The following TYW1B variants were observed in gnomAD, a reference collection of about 807,000 sequenced individuals.
TYW1B encodes the protein tRNA-yW synthesizing protein 1 homolog B.
Under a neutral mutation model 86.9 loss-of-function variants are expected in TYW1B, and 73 were observed. That is an observed-to-expected ratio of 0.84 (90% CI 0.70 to 1.02). The LOEUF is 1.02. Among genes scored for constraint, TYW1B ranks in the 50% least tolerant of loss-of-function variants. TYW1B has a pLI of 0.00. For synonymous variants in TYW1B, 248 were observed against 292.8 expected (o/e 0.85, Z 1.56); for missense variants, 637 against 827.4 (o/e 0.77, Z 2.82).
At chr7:72,823,180 T>C (rs1230530649) in intron 2 of TYW1B, 6 of 151,924 alleles carry the variant, frequency 3.9e-5, no homozygotes, top group African/African-American at 1.4e-4. Flanking sequence ...GCTAATTTTT[T>C]GTATTTTTAG....
chr7:72,599,936 T>C (rs1457379067), intron 13 of TYW1B, among the ~76,000 whole-genome samples: 2 of 152,216 alleles, frequency 1.3e-5, no homozygotes, highest in Non-Finnish European at 2.9e-5. Flanking sequence ...TCAATACAGT[T>C]GTCAGTTTTT....
At chr7:72,793,279 G>A (rs1554473890) in intron 6 of TYW1B, among the ~76,000 whole-genome samples, 1 of 151,650 alleles carries the variant, frequency 6.6e-6, no homozygotes, top group Non-Finnish European at 1.5e-5. Context: ...GGAGGTTGCA[G>A]TGAGCTGAGA....
intron 11 of TYW1B, among the ~76,000 whole-genome samples, chr7:72,668,815 G>T (rs1813525711): frequency 6.6e-6 from 1 of 152,160 alleles, no homozygotes; most frequent in South Asian, 2.1e-4. Context: ...TAGGTTTTAA[G>T]TCTCAGTTCC....
At chr7:72,751,386 T>C (rs532515414) in intron 7 of TYW1B, among the ~76,000 whole-genome samples, 1 of 152,312 alleles carries the variant, frequency 6.6e-6, no homozygotes, top group South Asian at 2.1e-4. Context: ...ATCGTACTAT[T>C]GATCTGTTAA....
At position 72,822,163 on chromosome 7, in the gene TYW1B, A is replaced by C. The variant is rs1788840079; in HGVS notation, c.135+4692T>G. On this transcript the variant is annotated intron_variant, in intron 2 of 13. Transcript: ENST00000620995. ...GGGTGACAGAGTAAGACCCTGTCTC[A>C]AAAAAAAAAAAAAAAAAAAAAGAAG... is the stretch of plus-strand genomic sequence containing the variant. 2.4e-5 allele frequency among the ~76,000 whole-genome samples: 3 copies of C among 127,564 alleles called. No homozygotes were observed. In the Admixed American group the frequency reaches 2.4e-4, roughly 10 times the overall value. 83.7% of individuals were successfully genotyped at this position (127,564 alleles called of 152,430 possible).
At chr7:72,692,257 A>G (rs1554450464) in intron 11 of TYW1B, among the ~76,000 whole-genome samples, 4 of 151,582 alleles carry the variant, frequency 2.6e-5, no homozygotes, top group Non-Finnish European at 5.9e-5. Context: ...AGAAACATTT[A>G]TCAGGACTGG....
At chr7:72,709,608 T>C (rs1156251852) in intron 10 of TYW1B, among the ~76,000 whole-genome samples, 4 of 151,874 alleles carry the variant, frequency 2.6e-5, no homozygotes, top group East Asian at 1.9e-4. Flanking sequence ...GCGGAGCTTG[T>C]AGTGAGCCGA....
At chr7:72,749,816 A>T (rs973703210) in intron 7 of TYW1B, among the ~76,000 whole-genome samples, 36 of 151,044 alleles carry the variant, frequency 2.4e-4, no homozygotes, top group African/African-American at 8.0e-4. Context: ...TAATGTAAGA[A>T]TTTAATGTTG....
At chr7:72,668,276 T>G (rs1813514371) in intron 11 of TYW1B, among the ~76,000 whole-genome samples, 1 of 152,236 alleles carries the variant, frequency 6.6e-6, no homozygotes, top group Non-Finnish European at 1.5e-5. Flanking sequence ...TATAGATGTT[T>G]TTGTTCAACC....
At chr7:72,637,013 C>CT (rs1563040676) in intron 11 of TYW1B, among the ~76,000 whole-genome samples, 1 of 152,078 alleles carries the variant, frequency 6.6e-6, no homozygotes, top group Non-Finnish European at 1.5e-5. Context: ...CCCATCTCTA[C>CT]TAAAAATACA....
chr7:72,734,664 G>C (rs1418780198), intron 8 of TYW1B, among the ~76,000 whole-genome samples: 1 of 152,160 alleles, frequency 6.6e-6, no homozygotes, highest in Non-Finnish European at 1.5e-5. Context: ...ACAGGGTGAA[G>C]AGACAACCTG....
Position 72,810,582 on chromosome 7 carries a change from T to C in TYW1B, c.321A>G (p.Lys107=), listed in dbSNP as rs1788590442. The part of the protein sequence containing the change: ...LPTESAEWFC[K]WLEEASIDFR... ...AATCAATGGATGCTTCCTCTAACCA[T>C]TTGCAGAACCACTCTGCACTTTCGG... Residue 107 remains lysine (K), a synonymous_variant, in exon 4 of 14, where the codon AAA becomes AAG. Coordinates refer to ENST00000620995, the MANE Select transcript of TYW1B (RefSeq NM_001145440.3). 6.2e-7 allele frequency: 1 copy of C among 1,613,922 alleles called. No individual in the cohort carries two copies. Among genetic ancestry groups the C allele is most frequent in the Non-Finnish European group, 8.5e-7 (1 of 1,179,860 alleles).
At chr7:72,737,576 C>T (rs1345886234) in intron 8 of TYW1B, among the ~76,000 whole-genome samples, 2 of 152,126 alleles carry the variant, frequency 1.3e-5, no homozygotes, top group African/African-American at 4.8e-5. Flanking sequence ...AGGATTTATA[C>T]TTAGTGTAAA....
chr7:72,726,625 A>G (rs1233963959), intron 9 of TYW1B, among the ~76,000 whole-genome samples: 4 of 152,134 alleles, frequency 2.6e-5, no homozygotes, highest in Non-Finnish European at 5.9e-5. Context: ...CAGCCTCTCA[A>G]AGTCCTGGGA....
At chr7:72,672,862 C>CA (rs1199003908) in intron 11 of TYW1B, among the ~76,000 whole-genome samples, 1 of 152,126 alleles carries the variant, frequency 6.6e-6, no homozygotes, top group Non-Finnish European at 1.5e-5. Flanking sequence ...TTTAGAAACT[C>CA]AAGATTTCAA....
At chr7:72,814,790 C>T (rs1418089852) in intron 3 of TYW1B, among the ~76,000 whole-genome samples, 2 of 151,130 alleles carry the variant, frequency 1.3e-5, no homozygotes, top group African/African-American at 4.9e-5. Context: ...AGGGGTCAGG[C>T]ACAGTCGCTC....
intron 9 of TYW1B, among the ~76,000 whole-genome samples, chr7:72,724,168 G>A (rs1294178427): frequency 6.6e-6 from 1 of 152,096 alleles, no homozygotes; most frequent in Non-Finnish European, 1.5e-5. Context: ...CTCATTCATT[G>A]TGAAAATGTA....
chr7:72,694,867 C>T (rs1230732302), intron 10 of TYW1B, 45 bp from the exon 11 acceptor site: 8 of 1,576,472 alleles, frequency 5.1e-6, no homozygotes, highest in African/African-American at 1.4e-5. Flanking sequence ...AATTATTCCT[C>T]TATCAGGCTT....
At chr7:72,767,036 G>A (rs1254950505) in intron 7 of TYW1B, among the ~76,000 whole-genome samples, 38 of 152,044 alleles carry the variant, frequency 2.5e-4, no homozygotes, top group South Asian at 6.2e-4. Flanking sequence ...TCAAAATGGA[G>A]TCACTAATGT....
Sources: gnomAD v4.1 joint callset for allele counts (sites outside exome capture counted in the v4.1 genomes callset) on GRCh38, gnomAD v4.1.1 for gene constraint, MANE v1.5 for transcripts, NCBI Gene and HGNC (gene_info 2026-07-23, HGNC 2026-07-21) for gene names.